Variants in SYNPR observed in about 807,000 individuals in gnomAD.
SYNPR encodes synaptoporin.
A neutral mutation model predicts 32.9 loss-of-function variants in SYNPR; 23 were observed. That is an observed-to-expected ratio of 0.70 (90% CI 0.50 to 0.99). The LOEUF (loss-of-function observed/expected upper bound fraction) is 0.99, where lower values mean the gene tolerates loss of function less well. SYNPR is among the 50% of genes least tolerant of loss of function. The pLI is 0.00. For synonymous variants in SYNPR, 146 were observed against 135.9 expected (o/e 1.07, Z -0.52); for missense variants, 318 against 349.3 (o/e 0.91, Z 0.71).
At position 63,563,189 on chromosome 3, in the gene SYNPR, A is replaced by G. The variant is rs575639650; in HGVS notation, c.408+6448A>G. Among the ~76,000 whole-genome samples the G allele has an allele frequency of 4.6e-5, 7 of 152,254 alleles. No homozygotes were observed. In the East Asian group the frequency reaches 9.7e-4, roughly 21 times the overall value. ...GCACCTTCTTATCCCCAAGTCGCCA[A>G]GGATAGAGCTTAACTCAGGACTACT... On this transcript the variant is annotated intron_variant, in intron 4 of 5. Transcript: ENST00000478300.
intron 4 of SYNPR, among the ~76,000 whole-genome samples, chr3:63,606,384 T>C: frequency 6.8e-6 from 1 of 147,882 alleles, no homozygotes; most frequent in African/African-American, 2.5e-5. Flanking sequence ...TACTATTTTT[T>C]ATATTTAAAT....
intron 2 of SYNPR, among the ~76,000 whole-genome samples, chr3:63,354,376 C>A (rs1575607903): frequency 1.3e-5 from 2 of 152,176 alleles, no homozygotes; most frequent in South Asian, 4.1e-4. Flanking sequence ...TTCCAAACCT[C>A]CACTTTAGGG....
At chr3:63,367,343 T>TTATTTATTTATTTATG (rs373077968) in intron 2 of SYNPR, among the ~76,000 whole-genome samples, 6,912 of 85,406 alleles carry the variant, frequency 0.081, 255 homozygotes, top group East Asian at 0.4. Context: ...CACTGTTGAA[T>TTATTTATTTATTTATG]TATTTATTTA....
intron 2 of SYNPR, among the ~76,000 whole-genome samples, chr3:63,288,091 T>A (rs1317075560): frequency 6.6e-6 from 1 of 152,222 alleles, no homozygotes; most frequent in Admixed American, 6.5e-5. Flanking sequence ...AGAAAGAATA[T>A]GATTGGTTCA....
chr3:63,498,097 T>A (rs1404024097), intron 3 of SYNPR, among the ~76,000 whole-genome samples: 1 of 152,144 alleles, frequency 6.6e-6, no homozygotes, highest in Non-Finnish European at 1.5e-5. Flanking sequence ...ACTCATTTGG[T>A]CAGTCCATCT....
intron 2 of SYNPR, among the ~76,000 whole-genome samples, chr3:63,292,394 A>C (rs993464926): frequency 6.6e-6 from 1 of 152,210 alleles, no homozygotes; most frequent in Non-Finnish European, 1.5e-5. Context: ...ATTTGAAAAT[A>C]CACAATAAAT....
In SYNPR at chr3:63,565,412, A is replaced by G. The variant is rs72889207; in HGVS notation, c.408+8671A>G. Among the ~76,000 whole-genome samples, 519 of 152,292 alleles carry G rather than the reference A, an allele frequency of 3.4e-3. 4 individuals are homozygous for G. Among genetic ancestry groups the G allele is most frequent in the African/African-American group, 0.012 (491 of 41,568 alleles). On this transcript the variant is annotated intron_variant, in intron 4 of 5. Coordinates refer to ENST00000478300, the MANE Select transcript of SYNPR (RefSeq NM_001130003.2). ...TTGGTGAGGGCTGCCCTCTGCCTCC[A>G]AGATGGTGCGTTGTTGCAGCATCGT...
At chr3:63,575,119 G>C (rs750437600) in intron 4 of SYNPR, among the ~76,000 whole-genome samples, 115 of 152,010 alleles carry the variant, frequency 7.6e-4, no homozygotes, top group Non-Finnish European at 1.1e-3. Flanking sequence ...GCACTTCACA[G>C]AATCCACCCC....
chr3:63,439,254 A>AT (rs1187927190), intron 2 of SYNPR, among the ~76,000 whole-genome samples: 2 of 152,240 alleles, frequency 1.3e-5, no homozygotes, highest in African/African-American at 2.4e-5. Context: ...ATCACAGATT[A>AT]TTTTAATCTA....
chr3:63,231,220 A>G (rs1300994641), intron 1 of SYNPR, among the ~76,000 whole-genome samples: 1 of 151,626 alleles, frequency 6.6e-6, no homozygotes, highest in African/African-American at 2.4e-5. Flanking sequence ...GCTGGAAGCC[A>G]TTATTCTAAG....
intron 2 of SYNPR, among the ~76,000 whole-genome samples, chr3:63,453,041 C>T (rs72885437): frequency 0.011 from 1,649 of 152,204 alleles, 33 homozygotes; most frequent in African/African-American, 0.038. Context: ...TGGGCATCAC[C>T]TGGGAGCTTG....
At chr3:63,362,292 G>T (rs529412578) in intron 2 of SYNPR, among the ~76,000 whole-genome samples, 12 of 152,248 alleles carry the variant, frequency 7.9e-5, no homozygotes, top group African/African-American at 2.4e-4. Context: ...TTTTGTTGTT[G>T]TTGTTTGTTT....
intron 3 of SYNPR, among the ~76,000 whole-genome samples, chr3:63,494,404 T>TATATACAC (rs1553641129): frequency 3.4e-4 from 35 of 102,436 alleles, no homozygotes; most frequent in African/African-American, 1.1e-3. Flanking sequence ...TATATATATA[T>TATATACAC]ATATATATAT....
intron 2 of SYNPR, among the ~76,000 whole-genome samples, chr3:63,423,119 T>A (rs1173389742): frequency 6.6e-6 from 1 of 152,168 alleles, no homozygotes; most frequent in African/African-American, 2.4e-5. Context: ...AGGTAACACA[T>A]GTACATAACA....
intron 2 of SYNPR, among the ~76,000 whole-genome samples, chr3:63,404,104 A>T (rs1168859692): frequency 6.6e-6 from 1 of 152,182 alleles, no homozygotes; most frequent in East Asian, 1.9e-4. Context: ...TTTTTAAGAG[A>T]AGGCAACAGA....
At chr3:63,334,019 G>C (rs1439373892) in intron 2 of SYNPR, among the ~76,000 whole-genome samples, 1 of 152,202 alleles carries the variant, frequency 6.6e-6, no homozygotes, top group African/African-American at 2.4e-5. Context: ...ATACTTCTTA[G>C]AGTTAAAACA....
At chr3:63,255,405 C>T (rs891351914) in intron 2 of SYNPR, among the ~76,000 whole-genome samples, 2 of 152,056 alleles carry the variant, frequency 1.3e-5, no homozygotes, top group Admixed American at 1.3e-4. Context: ...CCTGGGCCTG[C>T]CATGTCAGGC....
At chr3:63,334,938 C>G (rs1268440698) in intron 2 of SYNPR, among the ~76,000 whole-genome samples, 1 of 152,168 alleles carries the variant, frequency 6.6e-6, no homozygotes, top group African/African-American at 2.4e-5. Context: ...TAGGAATGAG[C>G]CCCTCACATG....
At position 63,401,540 on chromosome 3, in the gene SYNPR, A is replaced by T. The variant is rs114937492; in HGVS notation, c.85-79292A>T. On this transcript the variant is annotated intron_variant, in intron 2 of 5. Transcript: ENST00000478300. ...TGAGAAGGTAGGGAGAAAACACAGA[A>T]AAGCTTCGTTATCTGCACACTGGCT... 5.2e-3 allele frequency among the ~76,000 whole-genome samples: 796 copies of T among 152,308 alleles called. 3 individuals are homozygous for T. The highest frequency in any genetic ancestry group is 7.3e-3 in the Non-Finnish European group (496 of 68,028).
Sources: allele counts gnomAD v4.1 joint callset (sites outside exome capture counted in the v4.1 genomes callset), GRCh38; gene constraint gnomAD v4.1.1; transcripts MANE v1.5; gene names NCBI Gene and HGNC (gene_info 2026-07-23, HGNC 2026-07-21).